LAMA4: variants seen among roughly 807,000 people sequenced by gnomAD.
LAMA4 encodes the protein laminin subunit alpha 4.
Under a neutral mutation model 207.1 loss-of-function variants are expected in LAMA4, and 127 were observed. The ratio of observed to expected loss-of-function variants is 0.61; its 90% CI spans 0.53 to 0.71. The LOEUF is 0.71. LAMA4 is among the 30% of genes least tolerant of loss of function. The pLI, the probability that LAMA4 is intolerant of heterozygous loss-of-function variation, is 0.00. For missense variants in LAMA4, 2,093 were observed against 2,246.5 expected, an observed-to-expected ratio of 0.93 and a Z score of 1.38; for synonymous variants, 761 against 816.0, an observed-to-expected ratio of 0.93 and a Z score of 1.15.
At chr6:112,144,747 G>C (rs138508073) in intron 19 of LAMA4, 47 bp downstream of exon 19, 2 of 1,604,426 alleles carry the variant, frequency 1.2e-6, no homozygotes, top group East Asian at 2.2e-5. Flanking sequence ...GCTCAGCTTC[G>C]TGTTATTATT....
intron 9 of LAMA4, chr6:112,178,743 G>T: frequency 6.1e-6 from 1 of 164,784 alleles, no homozygotes; most frequent in Non-Finnish European, 1.3e-5. Flanking sequence ...TATAAAATCT[G>T]GTGCTATTCC....
chr6:112,229,325 C>T (rs912054418), intron 2 of LAMA4, among the ~76,000 whole-genome samples: 1 of 152,120 alleles, frequency 6.6e-6, no homozygotes, highest in Non-Finnish European at 1.5e-5. Context: ...CTCTCCTCCT[C>T]TTTAAATAAC....
chr6:112,197,253 G>A (rs1562721747), intron 5 of LAMA4, among the ~76,000 whole-genome samples: 1 of 152,182 alleles, frequency 6.6e-6, no homozygotes, highest in Non-Finnish European at 1.5e-5. Context: ...TTTAAAGTGT[G>A]AGGTGGGAGA....
chr6:112,234,034 G>T (rs1276209193), intron 2 of LAMA4: 3 of 152,140 alleles, frequency 2.0e-5, no homozygotes, highest in African/African-American at 7.2e-5. Flanking sequence ...TTAATCCTTT[G>T]GGGCCACCAG....
chr6:112,240,581 T>C (rs1431289656), intron 2 of LAMA4, among the ~76,000 whole-genome samples: 1 of 152,206 alleles, frequency 6.6e-6, no homozygotes, highest in East Asian at 1.9e-4. Context: ...TAGCCATCTT[T>C]CTATTCTCTA....
chr6:112,130,984 A>C lies in LAMA4; in HGVS notation c.3952T>G (p.Ser1318Ala). ...GAGCTATACCTTGTGGGTGAGACAG[A>C]GCTAATGACGAAGTGGGACAGCCCA... ...NDGLSHFVIS[S>A]VSPTRYELIV... The change falls in exon 29 of 39, where the codon TCT (serine) becomes GCT (alanine). Residue 1318 changes from serine (S) to alanine (A), a missense_variant. By Grantham distance (99) the Ser-to-Ala change is moderately conservative (BLOSUM62 1). This residue lies in a region of LAMA4 where 1,704 missense variants were observed against 1,788.4 expected (regional missense o/e 0.95). Transcript: ENST00000230538. 1 of 1,613,172 alleles carries C rather than the reference A, an allele frequency of 6.2e-7. No individual in the cohort carries two copies. The highest frequency in any genetic ancestry group is 8.5e-7 in the Non-Finnish European group (1 of 1,179,266).
intron 5 of LAMA4, 128 bp from the exon 6 acceptor site, chr6:112,191,978 C>G (rs1230622084): frequency 1.2e-6 from 1 of 803,904 alleles, no homozygotes; most frequent in Non-Finnish European, 2.1e-6. Context: ...CATTTGCACT[C>G]TCTCATCTTC....
chr6:112,240,817 A>G (rs1012100755), intron 2 of LAMA4, among the ~76,000 whole-genome samples: 3 of 151,960 alleles, frequency 2.0e-5, no homozygotes, highest in South Asian at 4.1e-4. Flanking sequence ...TTGCCTCCAA[A>G]TCTTTGCTAT....
chr6:112,148,235 G>C lies in LAMA4; in HGVS notation c.2275C>G (p.Leu759Val). The C allele has an allele frequency of 4.3e-6, 7 of 1,614,204 alleles. No individual in the cohort carries two copies. The highest frequency in any genetic ancestry group is 2.2e-5 in the South Asian group (2 of 91,090). ...QQATAPMANN[L>V]TNWSQNLQHF... Reference sequence around the variant, plus strand: ...TGAAGATTCTGTGACCAGTTGGTTAGATTGTTGGCCATGGGGGCAGTGGCC... The same window carrying C: ...TGAAGATTCTGTGACCAGTTGGTTACATTGTTGGCCATGGGGGCAGTGGCC... Residue 759 changes from leucine (L) to valine (V), a missense_variant, in exon 18 of 39, where the codon CTA becomes GTA. By Grantham distance (32) the Leu-to-Val change is conservative. Around this residue, in one of 3 missense-constraint regions of LAMA4, gnomAD observed 1,704 missense variants for 1,788.4 expected, o/e 0.95. Transcript: ENST00000230538.
chr6:112,226,574 CT>C (rs1785226716), intron 2 of LAMA4, among the ~76,000 whole-genome samples: 1 of 152,188 alleles, frequency 6.6e-6, no homozygotes, highest in African/African-American at 2.4e-5. Context: ...TTAATTTATA[CT>C]CTTGCCTCCC....
intron 21 of LAMA4, among the ~76,000 whole-genome samples, 164 bp downstream of exon 21, chr6:112,141,194 A>G (rs1779670407): frequency 6.6e-6 from 1 of 152,210 alleles, no homozygotes. Context: ...AAAGAATATA[A>G]GAATAATGGA....
intron 5 of LAMA4, chr6:112,200,089 C>T (rs1783645717): frequency 1.9e-6 from 1 of 532,110 alleles, no homozygotes; most frequent in African/African-American, 1.9e-5. Flanking sequence ...TATCTTACAA[C>T]ACTGCGAGCA....
intron 31 of LAMA4, among the ~76,000 whole-genome samples, chr6:112,124,034 C>T (rs1554326820): frequency 6.6e-6 from 1 of 152,146 alleles, no homozygotes; most frequent in African/African-American, 2.4e-5. Flanking sequence ...AGGAAAATTT[C>T]CCCAAATACA....
At chr6:112,221,392 A>G (rs1262561587) in intron 2 of LAMA4, among the ~76,000 whole-genome samples, 2 of 152,312 alleles carry the variant, frequency 1.3e-5, no homozygotes, top group Admixed American at 6.5e-5. Context: ...TTAGAATTTG[A>G]TTCAACAACT....
In LAMA4 at chr6:112,114,702, T is replaced by C. The variant is rs781792830; in HGVS notation, c.5167A>G (p.Lys1723Glu). 6.2e-7 allele frequency: 1 copy of C among 1,613,322 alleles called. No individual in the cohort carries two copies. Among genetic ancestry groups the C allele is most frequent in the South Asian group, 1.1e-5 (1 of 91,070 alleles). The change falls in exon 37 of 39, where the codon AAG becomes GAG. Residue 1723 changes from lysine to glutamate, a missense_variant. Lys to Glu is a moderately conservative substitution (Grantham distance 56). This residue lies in a region of LAMA4 where 383 missense variants were observed against 437.8 expected (regional missense o/e 0.87). Coordinates refer to ENST00000230538, the MANE Select transcript of LAMA4 (RefSeq NM_001105206.3). Reference sequence around the variant, plus strand: ...CATCTGCCATCACAGAGACTCTGCTTGGGTGTAACTGAGGTGGAAAAATCT... The same window carrying C: ...CATCTGCCATCACAGAGACTCTGCTCGGGTGTAACTGAGGTGGAAAAATCT... The part of the protein sequence containing the change: ...IRDFSTSVTP[K>E]QSLCDGRWHR...
intron 13 of LAMA4, among the ~76,000 whole-genome samples, chr6:112,159,741 T>C (rs1554337906): frequency 6.6e-6 from 1 of 152,248 alleles, no homozygotes; most frequent in Non-Finnish European, 1.5e-5. Flanking sequence ...GTCTCCTTTA[T>C]ATGCAGGGAG....
intron 5 of LAMA4, 115 bp downstream of exon 5, chr6:112,201,493 C>G: frequency 1.1e-6 from 1 of 909,384 alleles, no homozygotes; most frequent in Non-Finnish European, 1.9e-6. Flanking sequence ...CCCTCAACCA[C>G]TCTTAAGCAT....
chr6:112,230,639 C>T (rs1554364142), intron 2 of LAMA4, among the ~76,000 whole-genome samples: 1 of 152,132 alleles, frequency 6.6e-6, no homozygotes, highest in Non-Finnish European at 1.5e-5. Context: ...AACTGGTTCT[C>T]CTGAGTGAGC....
intron 29 of LAMA4, among the ~76,000 whole-genome samples, chr6:112,130,691 G>T (rs1778985894): frequency 6.6e-6 from 1 of 152,052 alleles, no homozygotes; most frequent in Admixed American, 6.6e-5. Flanking sequence ...TGTTCAGTAG[G>T]TAATATTAGT....
Sources: gnomAD v4.1 joint callset for allele counts (sites outside exome capture counted in the v4.1 genomes callset) on GRCh38, gnomAD v4.1.1 for gene constraint, gnomAD v4.1.1 regional missense constraint, MANE v1.5 for transcripts, NCBI Gene and HGNC (gene_info 2026-07-23, HGNC 2026-07-21) for gene names.